GPNMB: variants seen among roughly 807,000 people sequenced by gnomAD.
The protein encoded by GPNMB is glycoprotein nmb.
GPNMB carries 71 observed loss-of-function variants against 57.3 expected under a neutral mutation model. The ratio of observed to expected loss-of-function variants is 1.24; its 90% CI spans 1.02 to 1.51. The LOEUF is 1.51. Among genes scored for constraint, GPNMB ranks in the 40% most tolerant of loss-of-function variants. GPNMB has a pLI of 0.00. For missense variants in GPNMB, 677 were observed against 691.9 expected, an observed-to-expected ratio of 0.98 and a Z score of 0.24; for synonymous variants, 253 against 263.2, an observed-to-expected ratio of 0.96 and a Z score of 0.38.
At chr7:23,253,034 A>G (rs1269398829) in intron 1 of GPNMB, among the ~76,000 whole-genome samples, 1 of 152,138 alleles carries the variant, frequency 6.6e-6, no homozygotes, top group East Asian at 1.9e-4. Flanking sequence ...TATTCAGAGG[A>G]TGTGTATTGA....
chr7:23,251,505 C>T (rs1782660957), intron 1 of GPNMB, among the ~76,000 whole-genome samples: 2 of 152,092 alleles, frequency 1.3e-5, no homozygotes, highest in Non-Finnish European at 2.9e-5. Flanking sequence ...TTAGTCAGTC[C>T]CGAGGTAAGC....
intron 9 of GPNMB, among the ~76,000 whole-genome samples, chr7:23,270,582 T>C (rs1221884091): frequency 6.6e-6 from 1 of 152,188 alleles, no homozygotes; most frequent in African/African-American, 2.4e-5. Flanking sequence ...AAAATCCACC[T>C]GAGCAAAGAT....
intron 1 of GPNMB, chr7:23,247,134 G>A (rs1782549740): frequency 1.7e-6 from 1 of 579,484 alleles, no homozygotes; most frequent in Non-Finnish European, 3.1e-6. Context: ...TTCGGCTCAT[G>A]GAAAGTAAAA....
At chr7:23,272,362 GAACAT>G in intron 9 of GPNMB, among the ~76,000 whole-genome samples, 1 of 152,256 alleles carries the variant, frequency 6.6e-6, no homozygotes, top group Non-Finnish European at 1.5e-5. Context: ...AGGCACAGTG[GAACAT>G]ACCTGTAGTC....
intron 4 of GPNMB, among the ~76,000 whole-genome samples, chr7:23,259,369 AG>A (rs1782857220): frequency 1.3e-5 from 2 of 152,026 alleles, no homozygotes; most frequent in South Asian, 4.1e-4. Flanking sequence ...ATTTTAGTAG[AG>A]ATGGAGTTTC....
intron 4 of GPNMB, among the ~76,000 whole-genome samples, chr7:23,259,198 T>TG (rs1782852063): frequency 6.9e-6 from 1 of 144,774 alleles, no homozygotes; most frequent in African/African-American, 2.9e-5. Context: ...TTTATTTTTA[T>TG]TTTTTTGAGA....
At chr7:23,259,671 T>A (rs1239900972) in intron 4 of GPNMB, among the ~76,000 whole-genome samples, 1 of 152,174 alleles carries the variant, frequency 6.6e-6, no homozygotes, top group African/African-American at 2.4e-5. Flanking sequence ...AAACATGTAT[T>A]TCAAGTGCCA....
Position 23,274,928 on chromosome 7 carries a change from C to T in GPNMB, c.*704C>T, listed in dbSNP as rs5850. On this transcript the variant is annotated 3_prime_UTR_variant, in exon 11 of 11. Transcript: ENST00000258733. ...TTGTGTATATTTCCAAATTTTTGTA[C>T]AGTCGCTGCACATATTTGAAATCAT... 52,349 of 151,836 alleles carry T rather than the reference C, an allele frequency of 0.34. 9,225 individuals carry two copies. The highest frequency in any genetic ancestry group is 0.45 in the Middle Eastern group (131 of 292). 9.4% of individuals were successfully genotyped at this position (151,836 alleles called of 1,614,324 possible).
intron 1 of GPNMB, chr7:23,250,608 T>C (rs1235745244): frequency 1.3e-5 from 2 of 152,240 alleles, no homozygotes. Context: ...TGTGGGTCTA[T>C]TTCTGGATTC....
chr7:23,269,709 C>T (rs966767138), intron 8 of GPNMB, among the ~76,000 whole-genome samples: 5 of 152,158 alleles, frequency 3.3e-5, no homozygotes, highest in Admixed American at 3.3e-4. Flanking sequence ...GCCCCTTCCC[C>T]TGGGGGAGAT....
At chr7:23,263,244 A>G (rs1167321311) in intron 6 of GPNMB, among the ~76,000 whole-genome samples, 1 of 152,202 alleles carries the variant, frequency 6.6e-6, no homozygotes, top group Non-Finnish European at 1.5e-5. Flanking sequence ...AGCATGTTTT[A>G]AAAATATATT....
At chr7:23,268,024 T>C in intron 8 of GPNMB, 36 bp downstream of exon 8, 1 of 1,006,872 alleles carries the variant, frequency 9.9e-7, no homozygotes, top group Non-Finnish European at 1.5e-6. Context: ...CATGGGTGGG[T>C]CAACTGAGGA....
intron 3 of GPNMB, among the ~76,000 whole-genome samples, chr7:23,256,012 T>G (rs1583819199): frequency 6.6e-6 from 1 of 152,146 alleles, no homozygotes; most frequent in South Asian, 2.1e-4. Context: ...GTTCAAGCAA[T>G]TCTCCTGCCT....
At chr7:23,249,163 C>A (rs542902381) in intron 1 of GPNMB, among the ~76,000 whole-genome samples, 1 of 152,180 alleles carries the variant, frequency 6.6e-6, no homozygotes. Flanking sequence ...CTCAGGCAAT[C>A]GCCCACCCTC....
At chr7:23,254,659 A>C (rs1212194598) in intron 3 of GPNMB, among the ~76,000 whole-genome samples, 1 of 152,240 alleles carries the variant, frequency 6.6e-6, no homozygotes, top group Non-Finnish European at 1.5e-5. Flanking sequence ...CTACTCAAAG[A>C]ATAGCCAATT....
At position 23,250,061 on chromosome 7, in the gene GPNMB, A is replaced by C. The variant is rs560672062; in HGVS notation, c.70+3134A>C. Among the ~76,000 whole-genome samples, 27 of 152,328 alleles carry C rather than the reference A, an allele frequency of 1.8e-4. No individual in the cohort carries two copies. The South Asian group carries it at 3.5e-3, about 20-fold the overall frequency. On this transcript the variant is annotated intron_variant, in intron 1 of 10. Coordinates refer to ENST00000258733, the MANE Select transcript of GPNMB (RefSeq NM_002510.3). ...TCTTCTTGTGTGTTTATTTGCCATG[A>C]GATGAATGAAATGGTGAAATATCAT...
Position 23,267,907 on chromosome 7 carries a change from T to A in GPNMB, c.1139T>A (p.Ile380Asn). The A allele has an allele frequency of 6.2e-7, 1 of 1,612,160 alleles. No individual in the cohort carries two copies. Among genetic ancestry groups the A allele is most frequent in the Non-Finnish European group, 8.5e-7 (1 of 1,178,174 alleles). Residue 380 changes from isoleucine to asparagine, a missense_variant, in exon 8 of 11, where the codon ATC (isoleucine) becomes AAC (asparagine). Coordinates refer to ENST00000258733, the MANE Select transcript of GPNMB (RefSeq NM_002510.3). The part of the protein sequence containing the change: ...TIVEGILEVN[I>N]IQMTDVLMPV... ...TTAGAGGGAATCTTAGAGGTTAACA[T>A]CATCCAGATGACAGACGTCCTGATG...
rs1370419338 is a variant in GPNMB, at chr7:23,256,948, A to C, written c.424A>C (p.Ser142Arg). Reference protein sequence around the residue: ...VYNWTAWSEDSDGENGTGQSH... With the variant: ...VYNWTAWSEDRDGENGTGQSH... ...CAACTGGACAGCATGGTCAGAGGAC[A>C]GTGACGGGGAAAATGGCACCGGCCA... The change falls in exon 4 of 11, where the codon AGT (serine) becomes CGT (arginine). Residue 142 changes from serine (S) to arginine (R), a missense_variant. Transcript: ENST00000258733. 1 of 1,614,080 alleles carries C rather than the reference A, an allele frequency of 6.2e-7. No homozygotes were observed. The highest frequency in any genetic ancestry group is 8.5e-7 in the Non-Finnish European group (1 of 1,179,998).
chr7:23,259,952 A>G, intron 4 of GPNMB, 28 bp from the exon 5 acceptor site: 1 of 1,610,470 alleles, frequency 6.2e-7, no homozygotes, highest in South Asian at 1.1e-5. Context: ...AATGCAGCCA[A>G]TAACTAAAAA....
Sources: gnomAD v4.1 joint callset for allele counts (sites outside exome capture counted in the v4.1 genomes callset) on GRCh38, gnomAD v4.1.1 for gene constraint, MANE v1.5 for transcripts, NCBI Gene and HGNC (gene_info 2026-07-23, HGNC 2026-07-21) for gene names.